The following OBP2A variants were observed in gnomAD, a reference collection of about 807,000 sequenced individuals.
OBP2A encodes odorant-binding protein 2a.
OBP2A carries 15 observed loss-of-function variants against 21.9 expected under a neutral mutation model. That is an observed-to-expected ratio of 0.69 (90% confidence interval 0.46 to 1.06). The LOEUF (loss-of-function observed/expected upper bound fraction) is 1.06, where lower values mean the gene tolerates loss of function less well. OBP2A is among the 50% of genes least tolerant of loss of function. The pLI is 0.00. For missense variants in OBP2A, 192 were observed against 220.1 expected (o/e 0.87, Z 0.81); for synonymous variants, 86 against 91.8 (o/e 0.94, Z 0.36).
chr9:135,547,792 T>G, intron 3 of OBP2A, 79 bp from the exon 4 acceptor site: 3 of 1,110,422 alleles, frequency 2.7e-6, no homozygotes, highest in Non-Finnish European at 3.9e-6. Flanking sequence ...GAAACATTCC[T>G]GAGTGTTTCT....
At chr9:135,546,952 C>T (rs764206306) in intron 2 of OBP2A, 41 bp downstream of exon 2, 35 of 1,607,204 alleles carry the variant, frequency 2.2e-5, no homozygotes, top group African/African-American at 1.3e-4. Flanking sequence ...GCCACTTTCG[C>T]TCCCCGCCCC....
rs748008738 is a variant in OBP2A, at chr9:135,546,900, G to A, written c.195G>A (p.Thr65=). The A allele has an allele frequency of 4.3e-6, 7 of 1,613,682 alleles. No individual in the cohort carries two copies. Among genetic ancestry groups the A allele is most frequent in the East Asian group, 2.2e-5 (1 of 44,864 alleles). Residue 65 remains threonine, a synonymous_variant, in exon 2 of 7, where the codon ACG becomes ACA. Transcript: ENST00000371776. The part of the protein sequence containing the change: ...TALGGGNLEA[T]FTFMREDRCI... ...TGGGCGGTGGGAACTTGGAAGCCAC[G>A]TTCACCTTCATGTGAGTGTTGCCCA...
rs749075046 is a variant in OBP2A, at chr9:135,548,700, A to C, written c.389-8A>C. 1.9e-6 allele frequency: 3 copies of C among 1,613,486 alleles called. No individual in the cohort carries two copies. In the East Asian group the frequency reaches 6.7e-5, roughly 36 times the overall value. On this transcript the variant is annotated splice_polypyrimidine_tract_variant and splice_region_variant and intron_variant, in intron 4 of 6. Transcript: ENST00000371776. ...CCACCTTGGCTCACCTGGCCACCTC[A>C]CCTGCAGGTAGGAATCCTAATACCA...
Position 135,546,885 on chromosome 9 carries a change from G to T in OBP2A, c.180G>T (p.Gly60=), listed in dbSNP as rs376686913. Residue 60 remains glycine (G), a synonymous_variant, in exon 2 of 7, where the codon GGG becomes GGT. Coordinates refer to ENST00000371776, the MANE Select transcript of OBP2A (RefSeq NM_014582.3). ...TGAAGGTGACAGCCCTGGGCGGTGGGAACTTGGAAGCCACGTTCACCTTCA... is the reference window on the plus strand; with the variant it reads ...TGAAGGTGACAGCCCTGGGCGGTGGTAACTTGGAAGCCACGTTCACCTTCA... ...SPVKVTALGG[G]NLEATFTFMR... is the part of the protein sequence containing the mutation. 6.2e-7 allele frequency: 1 copy of T among 1,613,686 alleles called. No individual in the cohort carries two copies. Among genetic ancestry groups the T allele is most frequent in the South Asian group, 1.1e-5 (1 of 91,070 alleles).
At chr9:135,546,426 G>A (rs1292910112) in intron 1 of OBP2A, among the ~76,000 whole-genome samples, 174 bp downstream of exon 1, 1 of 46,668 alleles carries the variant, frequency 2.1e-5, no homozygotes, top group Non-Finnish European at 4.5e-5. Flanking sequence ...ACGGCCCCCC[G>A]AGGCCCAGGG....
At position 135,547,259 on chromosome 9, in the gene OBP2A, C is replaced by T. The variant is rs773718900; in HGVS notation, c.277+11C>T. 13 of 1,613,370 alleles carry T rather than the reference C, an allele frequency of 8.1e-6. No individual in the cohort carries two copies. The African/African-American group carries it at 1.2e-4, about 15-fold the overall frequency. ...GCAAATTCAGCGCCTGTGAGCCCCT[C>T]CCCGACCCCCCACTCCCCATGCCCA... is the stretch of plus-strand genomic sequence containing the variant. On this transcript the variant is annotated intron_variant, in intron 3 of 6. Transcript: ENST00000371776.
At chr9:135,548,674 C>T in intron 4 of OBP2A, 34 bp from the exon 5 acceptor site, 2 of 1,613,320 alleles carry the variant, frequency 1.2e-6, no homozygotes, top group East Asian at 2.2e-5. Flanking sequence ...TGCCGCTGTC[C>T]CCACCTTGGC....
chr9:135,546,643 T>C, intron 1 of OBP2A, 135 bp from the exon 2 acceptor site: 7 of 1,449,406 alleles, frequency 4.8e-6, no homozygotes, highest in South Asian at 1.4e-5. Flanking sequence ...CTAACTAAGG[T>C]GCAGGAACCC....
In OBP2A at chr9:135,546,736, C is replaced by T. The variant is rs374607958; in HGVS notation, c.73-42C>T. ...CTGAGTGCCAGGGTCAGAGTAGAAT[C>T]TGGGCCACCCATGGTGGGCTCACGG... is the stretch of plus-strand genomic sequence containing the variant. On this transcript the variant is annotated intron_variant, in intron 1 of 6. Coordinates refer to ENST00000371776, the MANE Select transcript of OBP2A (RefSeq NM_014582.3). 3.9e-3 allele frequency: 6,099 copies of T among 1,559,250 alleles called. 91 individuals carry two copies. Among genetic ancestry groups the T allele is most frequent in the South Asian group, 0.035 (2,901 of 84,054 alleles).
Position 135,549,330 on chromosome 9 carries a change from G to A in OBP2A, c.513G>A (p.Ter171=). The A allele has an allele frequency of 2.0e-6, 3 of 1,507,180 alleles. 1 individual carries two copies. The highest frequency in any genetic ancestry group is 2.7e-6 in the Non-Finnish European group (3 of 1,094,754). 93.4% of individuals were successfully genotyped at this position (1,507,180 alleles called of 1,614,324 possible). A position where few individuals can be genotyped will look rare whatever the true frequency, so the allele number is the denominator to read the frequency against. Residue 171 remains the stop codon, a splice_region_variant and stop_retained_variant, in exon 6 of 7, where the codon TAG becomes TAA. Transcript: ENST00000371776. ...LQTGSCVLEH[*] is the part of the protein sequence containing the mutation. ...CAGGAAGCTGCGTTCTCGAACACTAGGGTGAGTGAGCCTTTAGGAGGGCAC... is the reference window on the plus strand; with the variant it reads ...CAGGAAGCTGCGTTCTCGAACACTAAGGTGAGTGAGCCTTTAGGAGGGCAC...
chr9:135,547,293 T>C, intron 3 of OBP2A, 45 bp downstream of exon 3: 1 of 1,594,892 alleles, frequency 6.3e-7, no homozygotes, highest in South Asian at 1.1e-5. Context: ...CAACCCCGGA[T>C]GCACCAGCCC....
At chr9:135,549,072 C>A (rs28582491) in intron 5 of OBP2A, among the ~76,000 whole-genome samples, 109 of 28,202 alleles carry the variant, frequency 3.9e-3, no homozygotes, top group African/African-American at 0.012. Context: ...TGGGGCTCCG[C>A]GCTCTGGGCT....
At position 135,546,308 on chromosome 9, in the gene OBP2A, G is replaced by T. The variant is rs551204305; in HGVS notation, c.72+56G>T. The T allele has an allele frequency of 1.2e-5, 17 of 1,455,782 alleles. 3 individuals are homozygous for T. The highest frequency in any genetic ancestry group is 5.8e-5 in the African/African-American group (4 of 69,190). The allele number at this position is 1,455,782 out of a possible 1,614,324, so 90.2% of individuals were successfully genotyped here. ...AGCCAGGTGGACTCCTGGGCAGGGGGCAGTGCCAGGGGCCCTGCTTTAGGA... is the reference window on the plus strand; with the variant it reads ...AGCCAGGTGGACTCCTGGGCAGGGGTCAGTGCCAGGGGCCCTGCTTTAGGA... On this transcript the variant is annotated intron_variant, in intron 1 of 6. Transcript: ENST00000371776.
chr9:135,549,797 C>G (rs1832074846), intron 6 of OBP2A, 40 bp from the exon 7 acceptor site: 4 of 1,443,420 alleles, frequency 2.8e-6, no homozygotes, highest in Admixed American at 2.1e-5. Context: ...TCTGCCCTAC[C>G]CTGCAGCCTC....
At chr9:135,549,586 C>T (rs1335893293) in intron 6 of OBP2A, 8 of 596,414 alleles carry the variant, frequency 1.3e-5, no homozygotes, top group African/African-American at 1.3e-4. Flanking sequence ...GGCCTCCCTC[C>T]GGCTCCCTCA....
chr9:135,549,905 A>G lies in OBP2A; in HGVS notation c.*70A>G, dbSNP rs954441881. 6.5e-7 allele frequency: 1 copy of G among 1,547,860 alleles called. No individual in the cohort carries two copies. Among genetic ancestry groups the G allele is most frequent in the South Asian group, 1.2e-5 (1 of 83,716 alleles). ...CACAGAGCCCGGACCACCTGGACCT[A>G]CCCTCCAGCCATGACCCTTCCCTGC... On this transcript the variant is annotated 3_prime_UTR_variant, in exon 7 of 7. Coordinates refer to ENST00000371776, the MANE Select transcript of OBP2A (RefSeq NM_014582.3).
chr9:135,546,621 T>C (rs1831938336), intron 1 of OBP2A, among the ~76,000 whole-genome samples, 157 bp from the exon 2 acceptor site: 1 of 152,036 alleles, frequency 6.6e-6, no homozygotes, highest in Admixed American at 6.5e-5. Flanking sequence ...TCTAACTCAC[T>C]CCAGCTGAGC....
In OBP2A at chr9:135,548,761, C is replaced by T. The variant is rs763194344; in HGVS notation, c.442C>T (p.Gln148Ter). Reference sequence around the variant, plus strand: ...CCTGGAAGAATTTAAGAAATTGGTGCAGCACAAGGGACTCTCGGAGGAGGA... The same window carrying T: ...CCTGGAAGAATTTAAGAAATTGGTGTAGCACAAGGGACTCTCGGAGGAGGA... ...EALEEFKKLV[Q>*]HKGLSEEDIF... The change falls in exon 5 of 7, where the codon CAG (glutamine) becomes TAG (stop). Residue 148 changes from glutamine (Q) to a stop codon, truncating the protein, a stop_gained. Transcript: ENST00000371776. LOFTEE classifies it high-confidence loss of function. The T allele has an allele frequency of 6.2e-7, 1 of 1,614,044 alleles. No individual in the cohort carries two copies. Among genetic ancestry groups the T allele is most frequent in the Admixed American group, 1.7e-5 (1 of 60,016 alleles).
In OBP2A at chr9:135,547,068, G is replaced by T. The variant is rs546014212; in HGVS notation, c.207-110G>T. 1.4e-5 allele frequency: 21 copies of T among 1,467,392 alleles called. 1 individual carries two copies. In the East Asian group the frequency reaches 1.8e-4, roughly 13 times the overall value. The allele number at this position is 1,467,392 out of a possible 1,614,324, so 90.9% of individuals were successfully genotyped here. On this transcript the variant is annotated intron_variant, in intron 2 of 6. Coordinates refer to ENST00000371776, the MANE Select transcript of OBP2A (RefSeq NM_014582.3). ...GGACATCCTGAAGCTCGGTGGGGTG[G>T]GGGGGCAGTGGAATTTTCAGGTTGC...
Sources: allele counts gnomAD v4.1 joint callset (sites outside exome capture counted in the v4.1 genomes callset), GRCh38; gene constraint gnomAD v4.1.1; transcripts MANE v1.5; gene names NCBI Gene and HGNC (gene_info 2026-07-23, HGNC 2026-07-21).